The following ABCG1 variants were observed in gnomAD, a reference collection of about 807,000 sequenced individuals.
ABCG1 encodes ATP binding cassette subfamily G member 1.
Under a neutral mutation model 69.2 loss-of-function variants are expected in ABCG1, and 29 were observed. The ratio of observed to expected loss-of-function variants is 0.42; its 90% CI spans 0.31 to 0.57. The LOEUF (loss-of-function observed/expected upper bound fraction) is 0.57. Ranked by LOEUF, ABCG1 falls within the 20% of genes least tolerant of loss-of-function variation. ABCG1 has a pLI of 0.15. For synonymous variants in ABCG1, 370 were observed against 374.8 expected (o/e 0.99, Z 0.15); for missense variants, 718 against 898.1 (o/e 0.80, Z 2.56).
rs763204794 is a variant in ABCG1, at chr21:42,296,485, CAG to C, written c.*97_*98del. The C allele has an allele frequency of 5.2e-6, 6 of 1,161,116 alleles. No homozygotes were observed. The highest frequency in any genetic ancestry group is 7.4e-6 in the Non-Finnish European group (6 of 806,506). 71.9% of individuals were successfully genotyped at this position (1,161,116 alleles called of 1,614,324 possible). ...GCAAGCCTGTGCCCGACCGACGACA[CAG>C]AGACTCTTCTGATCCAACCCCTAGA... On this transcript the variant is annotated 3_prime_UTR_variant, in exon 15 of 15. Coordinates refer to ENST00000398449, the MANE Select transcript of ABCG1 (RefSeq NM_016818.3). This position sits in a 1 kb window ranked among gnomAD's most constrained non-coding sequence, Gnocchi z 5.4.
intron 2 of ABCG1, among the ~76,000 whole-genome samples, chr21:42,252,308 T>C (rs1235567026): frequency 6.6e-6 from 1 of 152,210 alleles, no homozygotes; most frequent in Non-Finnish European, 1.5e-5. Context: ...CTGCTTGTTT[T>C]TCCTTTTTCT....
chr21:42,256,411 C>G, intron 2 of ABCG1: 1 of 1,549,734 alleles, frequency 6.5e-7, no homozygotes, highest in Non-Finnish European at 8.7e-7. Context: ...GGTGTCTGGT[C>G]CCTACTCACA....
intron 2 of ABCG1, among the ~76,000 whole-genome samples, chr21:42,245,179 T>G (rs570436500): frequency 6.6e-6 from 1 of 151,368 alleles, no homozygotes; most frequent in South Asian, 2.1e-4. Context: ...TACCAGGGAG[T>G]GGAAAGGGTG....
At chr21:42,253,643 G>T (rs1231966500) in intron 2 of ABCG1, among the ~76,000 whole-genome samples, 1 of 152,120 alleles carries the variant, frequency 6.6e-6, no homozygotes, top group Non-Finnish European at 1.5e-5. Context: ...AACCGCACGT[G>T]AGGGACTCCA....
intron 10 of ABCG1, among the ~76,000 whole-genome samples, chr21:42,289,500 C>T (rs1005185875): frequency 3.3e-5 from 5 of 152,038 alleles, no homozygotes; most frequent in Admixed American, 1.3e-4. Context: ...AGGATTGGGA[C>T]GGGGGGTTGG....
rs377272380 is a variant in ABCG1 at position 42,219,298 on chromosome 21, C to A, written c.36C>A (p.Thr12=). The change falls in exon 1 of 15, where the codon ACC becomes ACA. Residue 12 remains threonine, a synonymous_variant. Transcript: ENST00000398449. The surrounding 1 kb of genome is among the most constrained non-coding windows in gnomAD (Gnocchi z 5.3). ...ACLMAAFSVG[T]AMNASSYSAE... ...TGATGGCCGCTTTCTCGGTCGGCAC[C>A]GCCATGGTGAGTGAGCGCATCCTTC... is the stretch of plus-strand genomic sequence containing the variant. The A allele has an allele frequency of 1.3e-6, 2 of 1,595,984 alleles. No individual in the cohort carries two copies. The highest frequency in any genetic ancestry group is 1.7e-6 in the Non-Finnish European group (2 of 1,174,984).
chr21:42,263,656 G>A (rs1016387701), intron 2 of ABCG1, among the ~76,000 whole-genome samples: 17 of 152,312 alleles, frequency 1.1e-4, no homozygotes, highest in African/African-American at 4.1e-4. Context: ...CTTCTGTCTC[G>A]CCCACTTGGG....
intron 2 of ABCG1, among the ~76,000 whole-genome samples, chr21:42,208,825 C>T (rs4148088): frequency 3.3e-5 from 5 of 152,052 alleles, no homozygotes; most frequent in African/African-American, 1.2e-4. Context: ...TTGTTTTTCT[C>T]CTAAAGCCTT....
Position 42,288,115 on chromosome 21 carries a change from G to A in ABCG1, c.1122+78G>A. ...AGCCCCCTGGGGGAGGCTGCACGTG[G>A]CACCGTGCACTGCTGCATGAGAGCT... On this transcript the variant is annotated intron_variant, in intron 9 of 14. Transcript: ENST00000398449. This position sits in a 1 kb window ranked among gnomAD's most constrained non-coding sequence, Gnocchi z 4.8. 4 of 1,608,818 alleles carry A rather than the reference G, an allele frequency of 2.5e-6. No homozygotes were observed. The highest frequency in any genetic ancestry group is 3.4e-6 in the Non-Finnish European group (4 of 1,175,636).
intron 2 of ABCG1, among the ~76,000 whole-genome samples, chr21:42,233,880 A>G (rs925398151): frequency 3.3e-5 from 5 of 152,244 alleles, no homozygotes; most frequent in African/African-American, 9.6e-5. Flanking sequence ...TTTTACTGTT[A>G]TAAGGCAACT....
In ABCG1 at chr21:42,219,708, G is replaced by A; in HGVS notation, c.42+404G>A. The A allele has an allele frequency of 1.1e-6, 1 of 949,534 alleles. No homozygotes were observed. Among genetic ancestry groups the A allele is most frequent in the South Asian group, 1.7e-5 (1 of 57,674 alleles). 58.8% of individuals were successfully genotyped at this position (949,534 alleles called of 1,614,324 possible). On this transcript the variant is annotated intron_variant, in intron 1 of 14. Coordinates refer to ENST00000398449, the MANE Select transcript of ABCG1 (RefSeq NM_016818.3). The surrounding 1 kb of genome is among the most constrained non-coding windows in gnomAD (Gnocchi z 5.3). ...AGGGAAGAGGGGACTTGAAGAAGGGGAGCCCCGCGCGCGCGGCTGTGGGCT... is the reference window on the plus strand; with the variant it reads ...AGGGAAGAGGGGACTTGAAGAAGGGAAGCCCCGCGCGCGCGGCTGTGGGCT...
Position 42,273,141 on chromosome 21 carries a change from G to A in ABCG1, c.405-162G>A, listed in dbSNP as rs1408691326. Among the ~76,000 whole-genome samples, 2 of 152,154 alleles carry A rather than the reference G, an allele frequency of 1.3e-5. No homozygotes were observed. The highest frequency in any genetic ancestry group is 2.9e-5 in the Non-Finnish European group (2 of 68,020). ...TCCTCCCGATCGCTGCAGTGCTAGCGAGGTCCGGTCCCTTTCTGCCCCTCG... is the reference window on the plus strand; with the variant it reads ...TCCTCCCGATCGCTGCAGTGCTAGCAAGGTCCGGTCCCTTTCTGCCCCTCG... On this transcript the variant is annotated intron_variant, in intron 3 of 14. Transcript: ENST00000398449. The surrounding 1 kb of genome is among the most constrained non-coding windows in gnomAD (Gnocchi z 5.3).
intron 2 of ABCG1, among the ~76,000 whole-genome samples, chr21:42,270,659 C>T (rs1434665726): frequency 2.6e-5 from 4 of 152,096 alleles, no homozygotes; most frequent in Non-Finnish European, 4.4e-5. Flanking sequence ...CATGGCATCT[C>T]GGGGCAGGAG....
At chr21:42,275,084 C>A (rs1173635330) in intron 4 of ABCG1, among the ~76,000 whole-genome samples, 2 of 152,092 alleles carry the variant, frequency 1.3e-5, no homozygotes, top group Non-Finnish European at 2.9e-5. Context: ...CTGGAGAGAC[C>A]CTGACTTGGG....
chr21:42,295,677 G>A (rs953238490), intron 14 of ABCG1, among the ~76,000 whole-genome samples: 2 of 152,216 alleles, frequency 1.3e-5, no homozygotes, highest in Admixed American at 1.3e-4. Flanking sequence ...GACAATCTGC[G>A]TGTGCTCCAA....
intron 6 of ABCG1, among the ~76,000 whole-genome samples, chr21:42,283,083 G>T (rs952646686): frequency 9.9e-5 from 15 of 152,200 alleles, no homozygotes; most frequent in African/African-American, 3.1e-4. Flanking sequence ...TCCCAGGCAG[G>T]ATGGGTGGCC....
intron 2 of ABCG1, among the ~76,000 whole-genome samples, chr21:42,210,617 TCTTAA>T (rs1217723177): frequency 6.6e-6 from 1 of 152,244 alleles, no homozygotes; most frequent in African/African-American, 2.4e-5. Context: ...ACTTGTCTTG[TCTTAA>T]CTTAATCTAT....
Position 42,247,988 on chromosome 21 carries a change from A to G in ABCG1, c.286+22074A>G, listed in dbSNP as rs143794274. ...TCGATTTTGAACTTCTGCCCTCAGAACGGTGAGACGGCACATTTTGTGGCA... is the reference window on the plus strand; with the variant it reads ...TCGATTTTGAACTTCTGCCCTCAGAGCGGTGAGACGGCACATTTTGTGGCA... On this transcript the variant is annotated intron_variant, in intron 2 of 14. Coordinates refer to ENST00000398449, the MANE Select transcript of ABCG1 (RefSeq NM_016818.3). Among the ~76,000 whole-genome samples the G allele has an allele frequency of 2.8e-3, 422 of 152,280 alleles. 1 individual carries two copies. The highest frequency in any genetic ancestry group is 4.9e-3 in the Non-Finnish European group (332 of 68,020).
At chr21:42,211,653 G>A (rs1215954139), upstream of ABCG1, among the ~76,000 whole-genome samples, 2 of 151,968 alleles carry the variant, frequency 1.3e-5, no homozygotes, top group African/African-American at 2.4e-5. Context: ...GCCGAGGCAG[G>A]TGGATCACCT....
Sources: allele counts gnomAD v4.1 joint callset (sites outside exome capture counted in the v4.1 genomes callset), GRCh38; gene constraint gnomAD v4.1.1; non-coding constraint Gnocchi (gnomAD v3.1); transcripts MANE v1.5; gene names NCBI Gene and HGNC (gene_info 2026-07-23, HGNC 2026-07-21).